Variants in CD101 observed in about 807,000 individuals in gnomAD.
CD101 encodes the protein CD101 molecule, also known as immunoglobulin superfamily member 2.
CD101 carries 76 observed loss-of-function variants against 98.2 expected under a neutral mutation model. The ratio of observed to expected loss-of-function variants is 0.77; its 90% CI spans 0.64 to 0.94. The LOEUF is 0.94. Ranked by LOEUF, CD101 falls within the 40% of genes least tolerant of loss-of-function variation. The probability of loss-of-function intolerance (pLI) is 0.00; values close to 1 mark genes in which losing one functional copy is unlikely to be tolerated. For synonymous variants in CD101, 471 were observed against 472.7 expected (o/e 1.00, Z 0.05); for missense variants, 1,145 against 1,218.8 (o/e 0.94, Z 0.90).
rs945779579 is a variant in CD101 at position 117,004,303 on chromosome 1, T to C, written c.43+2443T>C. On this transcript the variant is annotated intron_variant, in intron 1 of 9. Coordinates refer to ENST00000682167, the MANE Select transcript of CD101 (RefSeq NM_001256106.3). The surrounding 1 kb of genome is among the most constrained non-coding windows in gnomAD (Gnocchi z 4.1). ...GAAAGAAGCTGCTTGTTATGTTGGC[T>C]ATTCCTGAGGTAGGTTTTGTATAAG... 7.2e-5 allele frequency among the ~76,000 whole-genome samples: 11 copies of C among 152,236 alleles called. No homozygotes were observed. The highest frequency in any genetic ancestry group is 2.4e-4 in the African/African-American group (10 of 41,464).
rs1652523657 is a variant in CD101 at position 117,006,259 on chromosome 1, AG to A, written c.44-3590del. ...ACAGATTTTGTCTCCACAGTAGCTC[AG>A]TTATAGTACCTTTACTTTTATCCCT... On this transcript the variant is annotated intron_variant, in intron 1 of 9. Coordinates refer to ENST00000682167, the MANE Select transcript of CD101 (RefSeq NM_001256106.3). This position sits in a 1 kb window ranked among gnomAD's most constrained non-coding sequence, Gnocchi z 4.4. Among the ~76,000 whole-genome samples, 1 of 152,178 alleles carries A rather than the reference AG, an allele frequency of 6.6e-6. No homozygotes were observed. The highest frequency in any genetic ancestry group is 2.4e-5 in the African/African-American group (1 of 41,444).
At chr1:117,003,718 G>A (rs1030405616) in intron 1 of CD101, among the ~76,000 whole-genome samples, 3 of 152,120 alleles carry the variant, frequency 2.0e-5, no homozygotes, top group Non-Finnish European at 2.9e-5. Flanking sequence ...AGGGGAAGCT[G>A]GAAGCTTTTC....
chr1:117,014,579 T>C (rs1653097474), intron 4 of CD101, among the ~76,000 whole-genome samples: 1 of 152,158 alleles, frequency 6.6e-6, no homozygotes, highest in Non-Finnish European at 1.5e-5. Context: ...GAATAATCAG[T>C]GCCTTTTGTG....
rs1045574877 is a variant in CD101 at position 117,034,180 on chromosome 1, G to C, written c.*33+46G>C. Reference sequence around the variant, plus strand: ...CTAACCAGGGTGTGAATGAATCCTGGTTCTGTCCTCAACTATGTCTGCGGC... The same window carrying C: ...CTAACCAGGGTGTGAATGAATCCTGCTTCTGTCCTCAACTATGTCTGCGGC... On this transcript the variant is annotated intron_variant, in intron 9 of 9. Transcript: ENST00000682167. 2.6e-6 allele frequency: 4 copies of C among 1,546,616 alleles called. No homozygotes were observed. In the African/African-American group the frequency reaches 5.5e-5, roughly 21 times the overall value.
Position 117,014,021 on chromosome 1 carries a change from G to A in CD101, c.1228+229G>A, listed in dbSNP as rs527924703. ...TGTGACCATGAACACACCACTTTAC[G>A]TCTCTAAGTCTCAGCTCCTTCATCT... On this transcript the variant is annotated intron_variant, in intron 4 of 9. Coordinates refer to ENST00000682167, the MANE Select transcript of CD101 (RefSeq NM_001256106.3). Among the ~76,000 whole-genome samples the A allele has an allele frequency of 7.2e-5, 11 of 152,190 alleles. No individual in the cohort carries two copies. In the South Asian group the frequency reaches 1.2e-3, roughly 17 times the overall value.
intron 8 of CD101, among the ~76,000 whole-genome samples, chr1:117,029,204 A>AAAGAAGAAGG (rs1553188315): frequency 1.7e-5 from 1 of 58,814 alleles, no homozygotes; most frequent in Non-Finnish European, 3.3e-5. Context: ...AGAAAGAAAG[A>AAAGAAGAAGG]AAAGAAAGAA....
intron 4 of CD101, among the ~76,000 whole-genome samples, chr1:117,015,421 A>G (rs969838781): frequency 5.0e-5 from 6 of 119,588 alleles, no homozygotes; most frequent in African/African-American, 1.9e-4. Flanking sequence ...TTCCCCTCCA[A>G]TTTTGAAACT....
Position 117,025,729 on chromosome 1 carries a change from C to G in CD101, c.2649C>G (p.His883Gln), listed in dbSNP as rs534163385. ...YGEEGLRRHLHCYRSSSTDFV... is the reference protein window; with the variant it reads ...YGEEGLRRHLQCYRSSSTDFV... The stretch of plus-strand genomic sequence containing the variant: ...AAGAGGGGCTCAGGAGGCACCTGCA[C>G]TGTTACCGTTCATCCTCTACAGACT... The change falls in exon 8 of 10, where the codon CAC becomes CAG. Residue 883 changes from histidine to glutamine, a missense_variant. Coordinates refer to ENST00000682167, the MANE Select transcript of CD101 (RefSeq NM_001256106.3). 6.2e-7 allele frequency: 1 copy of G among 1,614,198 alleles called. No individual in the cohort carries two copies. The highest frequency in any genetic ancestry group is 1.3e-5 in the African/African-American group (1 of 75,046).
At chr1:117,028,981 G>T (rs1654138885) in intron 8 of CD101, among the ~76,000 whole-genome samples, 1 of 151,770 alleles carries the variant, frequency 6.6e-6, no homozygotes, top group South Asian at 2.1e-4. Flanking sequence ...TGCTGTTTTG[G>T]TTTGAAGATG....
chr1:117,009,026 A>T (rs1356181695), intron 1 of CD101, among the ~76,000 whole-genome samples: 1 of 152,224 alleles, frequency 6.6e-6, no homozygotes, highest in Non-Finnish European at 1.5e-5. Context: ...ATTTCTGAAA[A>T]ATGCTTGATT....
Position 117,033,967 on chromosome 1 carries a change from T to C in CD101, c.2932T>C (p.Tyr978His), listed in dbSNP as rs529554075. 2.4e-5 allele frequency: 38 copies of C among 1,614,164 alleles called. No individual in the cohort carries two copies. In the African/African-American group the frequency reaches 4.3e-4, roughly 18 times the overall value. The change falls in exon 9 of 10, where the codon TAC becomes CAC. Residue 978 changes from tyrosine to histidine, a missense_variant. Physicochemically the swap from Tyr to His is moderately conservative, Grantham distance 83 (BLOSUM62 2). Coordinates refer to ENST00000682167, the MANE Select transcript of CD101 (RefSeq NM_001256106.3). This position sits in a 1 kb window ranked among gnomAD's most constrained non-coding sequence, Gnocchi z 4.8. ...LLLLISLLCLYWKARKLSTLR... is the reference protein window; with the variant it reads ...LLLLISLLCLHWKARKLSTLR... ...TCTGCTCATCTCCCTCCTCTGCTTA[T>C]ACTGGAAGGCCAGGAAGTTGTCAAC...
chr1:117,015,465 C>A (rs960674319), intron 4 of CD101, among the ~76,000 whole-genome samples: 2 of 151,964 alleles, frequency 1.3e-5, no homozygotes, highest in Non-Finnish European at 2.9e-5. Flanking sequence ...TTGAAAAAAA[C>A]TAAATTTGAA....
At position 117,024,369 on chromosome 1, in the gene CD101, C is replaced by T. The variant is rs575677857; in HGVS notation, c.2429-1140C>T. Among the ~76,000 whole-genome samples, 17 of 152,172 alleles carry T rather than the reference C, an allele frequency of 1.1e-4. No homozygotes were observed. In the East Asian group the frequency reaches 2.7e-3, roughly 24 times the overall value. On this transcript the variant is annotated intron_variant, in intron 7 of 9. Coordinates refer to ENST00000682167, the MANE Select transcript of CD101 (RefSeq NM_001256106.3). ...GCCCATGCCTGTAATCCCAACTGCT[C>T]GGGAGGCTGAGGCAGGATAATCGCT...
At chr1:117,013,905 A>T in intron 4 of CD101, 113 bp downstream of exon 4, 1 of 1,232,622 alleles carries the variant, frequency 8.1e-7, no homozygotes, top group East Asian at 2.6e-5. Flanking sequence ...GGTTTCAATC[A>T]GATCACATTG....
chr1:117,031,192 A>G (rs1016205779), intron 8 of CD101, among the ~76,000 whole-genome samples: 3 of 152,198 alleles, frequency 2.0e-5, no homozygotes, highest in Non-Finnish European at 2.9e-5. Context: ...CCACTTCAGC[A>G]TGGTAAGGGG....
In CD101 at chr1:117,009,880, C is replaced by T. The variant is rs761328723; in HGVS notation, c.74C>T (p.Thr25Ile). 5.0e-6 allele frequency: 8 copies of T among 1,607,416 alleles called. No individual in the cohort carries two copies. Among genetic ancestry groups the T allele is most frequent in the Non-Finnish European group, 5.1e-6 (6 of 1,174,958 alleles). ...TKLSIGQREV[T>I]VQKGPLFRAE... is the part of the protein sequence containing the mutation. The stretch of plus-strand genomic sequence containing the variant: ...CTCAGCATTGGCCAGAGAGAAGTAA[C>T]AGTTCAGAAAGGACCACTGTTTAGA... The change falls in exon 2 of 10, where the codon ACA (threonine) becomes ATA (isoleucine). Residue 25 changes from threonine (T) to isoleucine (I), a missense_variant. Transcript: ENST00000682167.
At chr1:117,015,539 TATGTATATGTATGC>T (rs771098590) in intron 4 of CD101, among the ~76,000 whole-genome samples, 1 of 152,222 alleles carries the variant, frequency 6.6e-6, no homozygotes, top group Non-Finnish European at 1.5e-5. Flanking sequence ...CTTTGTTACT[TATGTATATGTATGC>T]ATAAAACAGT....
In CD101 at chr1:117,026,010, C is replaced by G. The variant is rs1446555423; in HGVS notation, c.2824+106C>G. The G allele has an allele frequency of 4.8e-6, 6 of 1,249,166 alleles. No homozygotes were observed. In the African/African-American group the frequency reaches 9.1e-5, roughly 19 times the overall value. The allele number at this position is 1,249,166 out of a possible 1,614,324, so 77.4% of individuals were successfully genotyped here. On this transcript the variant is annotated intron_variant, in intron 8 of 9. Transcript: ENST00000682167. ...TTTTGCTCCTTCTGAAGACAATTTT[C>G]AGACTGAAGACAATTTTCAGGTTCC...
At chr1:117,016,956 T>C in intron 4 of CD101, 134 bp from the exon 5 acceptor site, 2 of 846,920 alleles carry the variant, frequency 2.4e-6, no homozygotes, top group Admixed American at 5.6e-5. Context: ...TGCCTGAGGG[T>C]GGTGCAAGAG....
Sources: allele counts gnomAD v4.1 joint callset (sites outside exome capture counted in the v4.1 genomes callset), GRCh38; gene constraint gnomAD v4.1.1; non-coding constraint Gnocchi (gnomAD v3.1); transcripts MANE v1.5; gene names NCBI Gene and HGNC (gene_info 2026-07-23, HGNC 2026-07-21).